C5orf58: variants seen among roughly 807,000 people sequenced by gnomAD.
C5orf58 encodes putative uncharacterized protein C5orf58.
A neutral mutation model predicts 2.9 loss-of-function variants in C5orf58; 2 were observed. The observed-to-expected ratio is 0.69, with a 90% CI of 0.28 to 2.18. The LOEUF is 2.18. C5orf58 is among the 30% of genes most tolerant of loss of function. C5orf58 has a pLI of 0.13. For missense variants in C5orf58, 96 were observed against 91.7 expected, an observed-to-expected ratio of 1.05 and a Z score of -0.19; for synonymous variants, 37 against 33.4, an observed-to-expected ratio of 1.11 and a Z score of -0.37.
chr5:170,242,867 G>A (rs1347535915), intron 3 of C5orf58, among the ~76,000 whole-genome samples: 2 of 149,890 alleles, frequency 1.3e-5, no homozygotes, highest in Admixed American at 6.6e-5. Flanking sequence ...TAATTGTGAT[G>A]TTAGGGTGTC....
chr5:170,236,660 C>T (rs1760754484), intron 3 of C5orf58, among the ~76,000 whole-genome samples: 1 of 152,164 alleles, frequency 6.6e-6, no homozygotes, highest in East Asian at 1.9e-4. Flanking sequence ...ACTGCATGTT[C>T]TATGCTCCAG....
Position 170,234,216 on chromosome 5 carries a change from A to G in C5orf58, c.-1+18A>G. 2 of 1,356,086 alleles carry G rather than the reference A, an allele frequency of 1.5e-6. No homozygotes were observed. Among genetic ancestry groups the G allele is most frequent in the Non-Finnish European group, 2.0e-6 (2 of 1,011,356 alleles). 84.0% of individuals were successfully genotyped at this position (1,356,086 alleles called of 1,614,324 possible). On this transcript the variant is annotated intron_variant, in intron 2 of 3. Transcript: ENST00000593851. ...ACTTAAAGGTTAGTTTGTTTTCATT[A>G]TTTTGGACAAGCAGCTTGACCCATG...
intron 2 of C5orf58, chr5:170,251,357 T>TAGATAGTCTTTCCTTCATCAGACCA (rs1423294808): frequency 9.4e-6 from 2 of 212,848 alleles, no homozygotes; most frequent in Non-Finnish European, 2.0e-5. Flanking sequence ...CTGTGATCTC[T>TAGATAGTCTTTCCTTCATCAGACCA]AGATAGTCTT....
At chr5:170,241,844 C>T (rs1761024604) in intron 3 of C5orf58, among the ~76,000 whole-genome samples, 1 of 151,068 alleles carries the variant, frequency 6.6e-6, no homozygotes, top group African/African-American at 2.4e-5. Context: ...GAGGGCATCC[C>T]TGTCTTGTGC....
downstream of C5orf58, chr5:170,251,006 T>C: frequency 1.4e-6 from 1 of 698,380 alleles, no homozygotes; most frequent in Middle Eastern, 4.1e-4. Flanking sequence ...TTGCAGCTTC[T>C]TGAGTGCAAA....
At chr5:170,243,729 T>C (rs377217015) in intron 3 of C5orf58, among the ~76,000 whole-genome samples, 5,013 of 151,400 alleles carry the variant, frequency 0.033, 130 homozygotes, top group Admixed American at 0.059. Context: ...TGACTCTTTA[T>C]CCAATTTGCC....
intron 3 of C5orf58, chr5:170,237,433 C>G (rs1459581331): frequency 5.1e-6 from 2 of 395,788 alleles, no homozygotes; most frequent in African/African-American, 4.1e-5. Flanking sequence ...CAAGGTCAAG[C>G]AACTAGTCAG....
At chr5:170,251,133 C>A, downstream of C5orf58, 1 of 406,002 alleles carries the variant, frequency 2.5e-6, no homozygotes, top group Non-Finnish European at 4.4e-6. Flanking sequence ...CCAAGTCAAT[C>A]TCGTTAAAGC....
downstream of C5orf58, chr5:170,250,941 C>T (rs1581055414): frequency 6.8e-7 from 1 of 1,464,950 alleles, no homozygotes; most frequent in Non-Finnish European, 9.5e-7. Flanking sequence ...ATTTTTGTTG[C>T]TTGTAAGAGT....
At chr5:170,241,919 A>C (rs1237845782) in intron 3 of C5orf58, among the ~76,000 whole-genome samples, 1 of 151,564 alleles carries the variant, frequency 6.6e-6, no homozygotes, top group Non-Finnish European at 1.5e-5. Context: ...TGGGTTTGTC[A>C]TAGATAGCTC....
intron 3 of C5orf58, among the ~76,000 whole-genome samples, chr5:170,242,190 T>C (rs1761042436): frequency 6.6e-6 from 1 of 150,450 alleles, no homozygotes. Context: ...CAGTATTTTA[T>C]TGAGGATTTT....
downstream of C5orf58, among the ~76,000 whole-genome samples, chr5:170,250,300 AT>A (rs1761406134): frequency 6.6e-6 from 1 of 152,210 alleles, no homozygotes; most frequent in Non-Finnish European, 1.5e-5. Context: ...CCAAACCTCC[AT>A]TTTGTTAAGA....
chr5:170,234,336 C>G (rs1760651188), intron 2 of C5orf58, 138 bp downstream of exon 2: 2 of 419,516 alleles, frequency 4.8e-6, no homozygotes, highest in Non-Finnish European at 9.3e-6. Context: ...AGACTAGTTT[C>G]TAGTGAACCA....
chr5:170,248,569 G>T, downstream of C5orf58: 1 of 937,662 alleles, frequency 1.1e-6, no homozygotes, highest in Non-Finnish European at 1.7e-6. Context: ...TAAAGGAAAG[G>T]ATAAAACCCT....
At chr5:170,234,023 C>T in intron 1 of C5orf58, 92 bp from the exon 2 acceptor site, 1 of 612,728 alleles carries the variant, frequency 1.6e-6, no homozygotes, top group Non-Finnish European at 2.7e-6. Flanking sequence ...CTTGGTTTGG[C>T]ATGCCCAAGG....
chr5:170,233,717 G>C (rs1488247734), intron 1 of C5orf58: 3 of 176,752 alleles, frequency 1.7e-5, no homozygotes, highest in Admixed American at 5.9e-5. Flanking sequence ...TCCTTTCTGG[G>C]TAGTGGCCTG....
intron 3 of C5orf58, among the ~76,000 whole-genome samples, 176 bp downstream of exon 3, chr5:170,235,246 A>G (rs1208149675): frequency 1.3e-5 from 2 of 152,190 alleles, no homozygotes; most frequent in Non-Finnish European, 2.9e-5. Context: ...ATTATGTTCG[A>G]CTTTGGAGTT....
At position 170,245,505 on chromosome 5, in the gene C5orf58, C is replaced by T. The variant is rs531283037; in HGVS notation, c.95-457C>T. 3.9e-5 allele frequency among the ~76,000 whole-genome samples: 6 copies of T among 152,322 alleles called. No homozygotes were observed. In the South Asian group the frequency reaches 6.2e-4, roughly 16 times the overall value. On this transcript the variant is annotated intron_variant, in intron 3 of 3. Coordinates refer to ENST00000593851, the MANE Select transcript of C5orf58 (RefSeq NM_001102609.3). ...CCGTTTTTTAAGCCGGTCTGAAAAG[C>T]GCAATATTCAGGTGGGAGTGACCCG...
chr5:170,244,917 A>C (rs1487908263), intron 3 of C5orf58, among the ~76,000 whole-genome samples: 1 of 151,600 alleles, frequency 6.6e-6, no homozygotes, highest in Non-Finnish European at 1.5e-5. Context: ...GGTTTTATCT[A>C]CTTTTGGTCT....
Sources: gnomAD v4.1 joint callset for allele counts (sites outside exome capture counted in the v4.1 genomes callset) on GRCh38, gnomAD v4.1.1 for gene constraint, MANE v1.5 for transcripts, NCBI Gene and HGNC (gene_info 2026-07-23, HGNC 2026-07-21) for gene names.